The following LMNB1 variants were observed in gnomAD, a reference collection of about 807,000 sequenced individuals.
The protein encoded by LMNB1 is lamin-B1.
Under a neutral mutation model 67.1 loss-of-function variants are expected in LMNB1, and 23 were observed. That is an observed-to-expected ratio of 0.34 (90% CI 0.25 to 0.49). The LOEUF is 0.49. Ranked by LOEUF, LMNB1 falls within the 20% of genes least tolerant of loss-of-function variation. The probability of loss-of-function intolerance (pLI) is 0.99; values close to 1 mark genes in which losing one functional copy is unlikely to be tolerated. For missense variants in LMNB1, 634 were observed against 746.5 expected, an observed-to-expected ratio of 0.85 and a Z score of 1.76; for synonymous variants, 281 against 282.9, an observed-to-expected ratio of 0.99 and a Z score of 0.07.
chr5:126,792,246 G>C (rs1430276396), intron 1 of LMNB1, among the ~76,000 whole-genome samples: 1 of 150,706 alleles, frequency 6.6e-6, no homozygotes, highest in Admixed American at 6.6e-5. Flanking sequence ...GTGTTTAAGT[G>C]ATTCTCCTGC....
intron 5 of LMNB1, among the ~76,000 whole-genome samples, chr5:126,812,964 C>G (rs1043787496): frequency 2.0e-5 from 3 of 152,126 alleles, no homozygotes; most frequent in African/African-American, 7.2e-5. Context: ...CTCCTGACCT[C>G]ATGATCCACC....
intron 6 of LMNB1, 179 bp downstream of exon 6, chr5:126,819,321 C>T: frequency 3.8e-6 from 2 of 529,896 alleles, no homozygotes; most frequent in African/African-American, 1.9e-5. Flanking sequence ...AAATGTTGCT[C>T]AAGTACTCTT....
intron 1 of LMNB1, among the ~76,000 whole-genome samples, chr5:126,801,150 A>T (rs978659869): frequency 5.6e-4 from 83 of 148,398 alleles, no homozygotes; most frequent in African/African-American, 2.0e-3. Flanking sequence ...CGCCTGGCTA[A>T]TTTTTTTTAT....
intron 10 of LMNB1, among the ~76,000 whole-genome samples, chr5:126,833,846 T>C (rs1437391175): frequency 6.6e-6 from 1 of 152,206 alleles, no homozygotes; most frequent in Non-Finnish European, 1.5e-5. Flanking sequence ...GCTTGTCCAC[T>C]AATTTGAAGG....
chr5:126,812,392 C>T (rs569184695), intron 5 of LMNB1, among the ~76,000 whole-genome samples: 11 of 152,264 alleles, frequency 7.2e-5, no homozygotes, highest in African/African-American at 2.4e-4. Context: ...TTGCATATTC[C>T]GATAAGAATT....
At chr5:126,829,713 C>T (rs181670630) in intron 9 of LMNB1, among the ~76,000 whole-genome samples, 125 of 152,218 alleles carry the variant, frequency 8.2e-4, no homozygotes, top group Non-Finnish European at 4.0e-4. Flanking sequence ...GCTTCACTCA[C>T]ACTGGACTAG....
intron 1 of LMNB1, among the ~76,000 whole-genome samples, chr5:126,782,587 T>C (rs1254614127): frequency 6.6e-6 from 1 of 152,168 alleles, no homozygotes. Flanking sequence ...TCTCGCTCTT[T>C]TGCCCAGGCT....
chr5:126,799,180 G>A (rs1422342761), intron 1 of LMNB1, among the ~76,000 whole-genome samples: 5 of 152,144 alleles, frequency 3.3e-5, no homozygotes, highest in African/African-American at 9.6e-5. Context: ...CACCTCGCCC[G>A]GCTAATTTTT....
chr5:126,817,671 T>C (rs1346147203), intron 5 of LMNB1, among the ~76,000 whole-genome samples: 2 of 152,228 alleles, frequency 1.3e-5, no homozygotes, highest in Admixed American at 1.3e-4. Context: ...CCCCAGTATA[T>C]GTTAAAGCAG....
At chr5:126,811,330 T>C (rs915145980) in intron 4 of LMNB1, among the ~76,000 whole-genome samples, 1 of 152,132 alleles carries the variant, frequency 6.6e-6, no homozygotes, top group East Asian at 1.9e-4. Flanking sequence ...AAAGGAAGTG[T>C]TTCTATCTGG....
intron 9 of LMNB1, among the ~76,000 whole-genome samples, chr5:126,829,848 A>T (rs1224464588): frequency 1.3e-5 from 2 of 151,966 alleles, no homozygotes; most frequent in African/African-American, 4.8e-5. Flanking sequence ...CGTGTGCTCC[A>T]TGGGGGGTGT....
At chr5:126,834,690 C>A (rs1468115102) in intron 10 of LMNB1, among the ~76,000 whole-genome samples, 1 of 152,170 alleles carries the variant, frequency 6.6e-6, no homozygotes, top group East Asian at 1.9e-4. Context: ...TCCTGGCTAA[C>A]ACGGTGAAAC....
At position 126,834,271 on chromosome 5, in the gene LMNB1, T is replaced by C. The variant is rs912750779; in HGVS notation, c.1719+1470T>C. On this transcript the variant is annotated intron_variant, in intron 10 of 10. Coordinates refer to ENST00000261366, the MANE Select transcript of LMNB1 (RefSeq NM_005573.4). Reference sequence around the variant, plus strand: ...GCCAGGCTGGAGCGCAGTGGCGCAATCTCAGCTCACCGCAACCTCCACCTC... The same window carrying C: ...GCCAGGCTGGAGCGCAGTGGCGCAACCTCAGCTCACCGCAACCTCCACCTC... 1.4e-4 allele frequency among the ~76,000 whole-genome samples: 21 copies of C among 152,010 alleles called. 1 individual carries two copies. In the Middle Eastern group the frequency reaches 0.01, roughly 74 times the overall value.
At position 126,819,007 on chromosome 5, in the gene LMNB1, AAG is replaced by A; in HGVS notation, c.1035_1036del (p.Glu345AspfsTer14). 1 of 1,614,034 alleles carries A rather than the reference AAG, an allele frequency of 6.2e-7. No individual in the cohort carries two copies. The highest frequency in any genetic ancestry group is 8.5e-7 in the Non-Finnish European group (1 of 1,179,890). Reference sequence around the variant, plus strand: ...AACTCTCGTCGCATGCTGACAGACAAAGAGAGAGAGATGGCGGAAATAAGGGA... The same window carrying A: ...AACTCTCGTCGCATGCTGACAGACAAAGAGAGAGATGGCGGAAATAAGGGA... On this transcript the variant is annotated frameshift_variant, in exon 6 of 11. Transcript: ENST00000261366. LOFTEE classifies it high-confidence loss of function.
At chr5:126,787,546 A>ATTTTTTTTTTTT (rs142332901) in intron 1 of LMNB1, among the ~76,000 whole-genome samples, 16 of 65,558 alleles carry the variant, frequency 2.4e-4, no homozygotes, top group Admixed American at 8.6e-4. Flanking sequence ...ATATATATAT[A>ATTTTTTTTTTTT]TTTTTTTTTT....
intron 5 of LMNB1, among the ~76,000 whole-genome samples, chr5:126,813,794 A>G (rs887658403): frequency 1.3e-5 from 2 of 152,206 alleles, no homozygotes; most frequent in Non-Finnish European, 2.9e-5. Context: ...TACCACTCAA[A>G]GGCCCTACCT....
At chr5:126,825,519 G>A (rs114159587) in intron 8 of LMNB1, among the ~76,000 whole-genome samples, 1 of 152,256 alleles carries the variant, frequency 6.6e-6, no homozygotes, top group African/African-American at 2.4e-5. Flanking sequence ...AACATTATTA[G>A]AGGGAGTCAC....
rs60317211 is a variant in LMNB1, at chr5:126,819,459, A to ATTATTTATTTAT, written c.1160+352_1160+363dup. 1.7e-3 allele frequency among the ~76,000 whole-genome samples: 245 copies of ATTATTTATTTAT among 142,860 alleles called. 1 individual carries two copies. Among genetic ancestry groups the ATTATTTATTTAT allele is most frequent in the African/African-American group, 4.2e-3 (163 of 38,644 alleles). 93.7% of individuals were successfully genotyped at this position (142,860 alleles called of 152,430 possible). On this transcript the variant is annotated intron_variant, in intron 6 of 10. Coordinates refer to ENST00000261366, the MANE Select transcript of LMNB1 (RefSeq NM_005573.4). ...AAACTGGCTGAAAGAGACTTTACAT[A>ATTATTTATTTAT]TTATTTATTTATTTATTTATTTATT... is the stretch of plus-strand genomic sequence containing the variant.
Position 126,777,345 on chromosome 5 carries a change from G to A in LMNB1, c.-164G>A. The A allele has an allele frequency of 6.8e-6, 5 of 736,564 alleles. No individual in the cohort carries two copies. The highest frequency in any genetic ancestry group is 9.3e-6 in the Non-Finnish European group (5 of 538,566). 45.6% of individuals were successfully genotyped at this position (736,564 alleles called of 1,614,324 possible). On this transcript the variant is annotated 5_prime_UTR_variant, in exon 1 of 11. Coordinates refer to ENST00000261366, the MANE Select transcript of LMNB1 (RefSeq NM_005573.4). ...CCTTTGCCCTTTGTGCTGTAATCGA[G>A]CTCCCGCCATCCCAGGTGCTTCTCC...
Sources: gnomAD v4.1 joint callset for allele counts (sites outside exome capture counted in the v4.1 genomes callset) on GRCh38, gnomAD v4.1.1 for gene constraint, MANE v1.5 for transcripts, NCBI Gene and HGNC (gene_info 2026-07-23, HGNC 2026-07-21) for gene names.